DENND5B: variants seen among roughly 807,000 people sequenced by gnomAD.
DENND5B encodes DENN domain containing 5B, also known as DENN domain-containing protein 5B.
A neutral mutation model predicts 140.6 loss-of-function variants in DENND5B; 34 were observed. The observed-to-expected ratio is 0.24, with a 90% CI of 0.18 to 0.32. The LOEUF is 0.32. DENND5B is among the 10% of genes least tolerant of loss of function. The pLI, the probability that DENND5B is intolerant of heterozygous loss-of-function variation, is 1.00. For synonymous variants in DENND5B, 551 were observed against 562.1 expected (o/e 0.98, Z 0.28); for missense variants, 1,142 against 1,560.2 (o/e 0.73, Z 4.52).
intron 2 of DENND5B, among the ~76,000 whole-genome samples, chr12:31,486,757 A>ATG (rs1237367838): frequency 2.6e-5 from 4 of 152,240 alleles, no homozygotes; most frequent in African/African-American, 9.6e-5. Flanking sequence ...CTCTACATAA[A>ATG]TACTACCTTA....
intron 6 of DENND5B, among the ~76,000 whole-genome samples, chr12:31,447,195 C>A (rs1291629379): frequency 3.3e-5 from 5 of 152,018 alleles, no homozygotes; most frequent in Admixed American, 1.3e-4. Context: ...CATTTGAACC[C>A]AGGAGGCGGA....
chr12:31,421,800 C>T (rs914711824), intron 11 of DENND5B, among the ~76,000 whole-genome samples: 1 of 152,202 alleles, frequency 6.6e-6, no homozygotes, highest in African/African-American at 2.4e-5. Flanking sequence ...GATCCGCCTG[C>T]CTTGCCCTCC....
chr12:31,485,736 C>CTCT (rs111956883), intron 2 of DENND5B, among the ~76,000 whole-genome samples: 4 of 149,684 alleles, frequency 2.7e-5, no homozygotes, highest in African/African-American at 9.8e-5. Flanking sequence ...GCTTCCATCT[C>CTCT]CTCTCTCTCT....
At chr12:31,577,021 A>G (rs890279293) in intron 1 of DENND5B, among the ~76,000 whole-genome samples, 8 of 152,232 alleles carry the variant, frequency 5.3e-5, no homozygotes, top group Non-Finnish European at 1.2e-4. Context: ...CAAAAGAGCA[A>G]TAAGAGGTGG....
intron 20 of DENND5B, 64 bp from the exon 21 acceptor site, chr12:31,387,850 G>C: frequency 6.6e-7 from 1 of 1,521,870 alleles, no homozygotes; most frequent in Non-Finnish European, 8.9e-7. Context: ...AAGGCACACA[G>C]TGGAGTCTGT....
intron 1 of DENND5B, among the ~76,000 whole-genome samples, chr12:31,533,758 G>A (rs1040448547): frequency 1.3e-5 from 2 of 152,162 alleles, no homozygotes; most frequent in Non-Finnish European, 2.9e-5. Context: ...GACCAGGGAG[G>A]ACTATCCACA....
chr12:31,518,686 C>G (rs1030774414), intron 1 of DENND5B, among the ~76,000 whole-genome samples: 4 of 152,044 alleles, frequency 2.6e-5, no homozygotes, highest in African/African-American at 7.2e-5. Flanking sequence ...CTTAAAATCA[C>G]CTTAATTCCA....
chr12:31,460,495 T>C, intron 3 of DENND5B, 114 bp from the exon 4 acceptor site: 1 of 935,020 alleles, frequency 1.1e-6, no homozygotes, highest in Non-Finnish European at 1.6e-6. Flanking sequence ...AAGTAAATAT[T>C]TCTTTATGAT....
intron 1 of DENND5B, among the ~76,000 whole-genome samples, chr12:31,522,064 C>G (rs551106226): frequency 8.5e-5 from 13 of 152,280 alleles, no homozygotes; most frequent in African/African-American, 3.1e-4. Flanking sequence ...TATCCTCACC[C>G]CTTTCTGCTT....
At chr12:31,495,130 TC>T (rs1319445823) in intron 2 of DENND5B, among the ~76,000 whole-genome samples, 1 of 152,160 alleles carries the variant, frequency 6.6e-6, no homozygotes, top group Non-Finnish European at 1.5e-5. Context: ...CATACAATAT[TC>T]CTTGAAACAT....
At chr12:31,530,835 T>C (rs1192679630) in intron 1 of DENND5B, among the ~76,000 whole-genome samples, 1 of 152,230 alleles carries the variant, frequency 6.6e-6, no homozygotes, top group Non-Finnish European at 1.5e-5. Flanking sequence ...AAGTTTAAGT[T>C]GCTGCTATCA....
intron 1 of DENND5B, among the ~76,000 whole-genome samples, chr12:31,519,258 T>C (rs541802717): frequency 2.1e-4 from 32 of 152,378 alleles, no homozygotes; most frequent in Non-Finnish European, 4.1e-4. Context: ...TTTGCTACTC[T>C]CTGAACTTGA....
At chr12:31,482,803 C>T (rs1216752696) in intron 2 of DENND5B, among the ~76,000 whole-genome samples, 2 of 152,140 alleles carry the variant, frequency 1.3e-5, no homozygotes, top group Admixed American at 6.5e-5. Flanking sequence ...GCCCTTGTCC[C>T]CCATAATCTA....
At chr12:31,467,360 C>T (rs1945314161) in intron 3 of DENND5B, among the ~76,000 whole-genome samples, 1 of 152,054 alleles carries the variant, frequency 6.6e-6, no homozygotes, top group South Asian at 2.1e-4. Flanking sequence ...TGCAGTGGCT[C>T]ACACCTATAA....
intron 5 of DENND5B, among the ~76,000 whole-genome samples, chr12:31,448,280 G>A (rs1223483097): frequency 1.3e-5 from 2 of 152,022 alleles, no homozygotes; most frequent in Admixed American, 6.6e-5. Flanking sequence ...GACTACAGGC[G>A]CCTGCCACCA....
chr12:31,566,253 G>A (rs996512162), intron 1 of DENND5B, among the ~76,000 whole-genome samples: 2 of 151,972 alleles, frequency 1.3e-5, no homozygotes, highest in African/African-American at 4.8e-5. Context: ...CCAGGAGTTC[G>A]AGGCTATAGT....
intron 1 of DENND5B, among the ~76,000 whole-genome samples, chr12:31,525,874 T>C (rs1948068245): frequency 1.3e-5 from 2 of 152,192 alleles, no homozygotes; most frequent in East Asian, 1.9e-4. Flanking sequence ...GTGCCTGTGG[T>C]CCCAGCTACT....
chr12:31,580,367 G>C (rs1376565369), intron 1 of DENND5B, among the ~76,000 whole-genome samples: 2 of 152,106 alleles, frequency 1.3e-5, no homozygotes, highest in Admixed American at 6.5e-5. Flanking sequence ...AATTTTATTA[G>C]CCCTTCACAA....
In DENND5B at chr12:31,479,678, C is replaced by G; in HGVS notation, c.815G>C (p.Arg272Pro). Reference sequence around the variant, plus strand: ...TAATCCCAGGAGCTCAAATGCCTCCCGAAGGGGGTAATCAGAGAGGGGGAG... The same window carrying G: ...TAATCCCAGGAGCTCAAATGCCTCCGGAAGGGGGTAATCAGAGAGGGGGAG... The part of the protein sequence containing the change: ...SELPLSDYPL[R>P]EAFELLGLEN... The change falls in exon 3 of 21, where the codon CGG becomes CCG. Residue 272 changes from arginine to proline, a missense_variant. Transcript: ENST00000389082. 1.3e-6 allele frequency: 2 copies of G among 1,586,108 alleles called. No homozygotes were observed. The highest frequency in any genetic ancestry group is 1.7e-6 in the Non-Finnish European group (2 of 1,166,158).
Sources: gnomAD v4.1 joint callset for allele counts (sites outside exome capture counted in the v4.1 genomes callset) on GRCh38, gnomAD v4.1.1 for gene constraint, MANE v1.5 for transcripts, NCBI Gene and HGNC (gene_info 2026-07-23, HGNC 2026-07-21) for gene names.